FARSB: variants seen among roughly 807,000 people sequenced by gnomAD.
The protein encoded by FARSB is phenylalanyl-tRNA synthetase subunit beta.
FARSB carries 40 observed loss-of-function variants against 69.6 expected under a neutral mutation model. The observed-to-expected ratio is 0.57, with a 90% CI of 0.45 to 0.75. The LOEUF is 0.75. FARSB is among the 30% of genes least tolerant of loss of function. The probability of loss-of-function intolerance (pLI) is 0.00; values close to 1 mark genes in which losing one functional copy is unlikely to be tolerated. For synonymous variants in FARSB, 235 were observed against 247.2 expected (o/e 0.95, Z 0.46); for missense variants, 632 against 722.9 (o/e 0.87, Z 1.44).
intron 14 of FARSB, among the ~76,000 whole-genome samples, chr2:222,615,328 T>A (rs1223167152): frequency 6.6e-6 from 1 of 152,236 alleles, no homozygotes; most frequent in Non-Finnish European, 1.5e-5. Context: ...TGCCAACCTG[T>A]GGCCTATTCT....
rs973418046 is a variant in FARSB, at chr2:222,569,720, T to C, written c.*2151A>G. 6 of 152,232 alleles carry C rather than the reference T, an allele frequency of 3.9e-5. No individual in the cohort carries two copies. The highest frequency in any genetic ancestry group is 1.4e-4 in the African/African-American group (6 of 41,478). The allele number at this position is 152,232 out of a possible 1,614,324, so 9.4% of individuals were successfully genotyped here. The stretch of plus-strand genomic sequence containing the variant: ...AGACTCTCAGGTAAATAGAATTAAA[T>C]AGAGTCTTTTGTGTCTCTTGCTTTC... On this transcript the variant is annotated 3_prime_UTR_variant, in exon 17 of 17. Transcript: ENST00000281828.
At chr2:222,631,059 T>C (rs981731110) in intron 8 of FARSB, among the ~76,000 whole-genome samples, 3 of 152,150 alleles carry the variant, frequency 2.0e-5, no homozygotes, top group Admixed American at 2.0e-4. Context: ...AAAGCTTTCA[T>C]AGCAATCCAT....
chr2:222,606,197 T>C (rs1011938924), intron 15 of FARSB, among the ~76,000 whole-genome samples: 3 of 152,170 alleles, frequency 2.0e-5, no homozygotes, highest in African/African-American at 7.2e-5. Flanking sequence ...CTCTCCGGAC[T>C]TACTTCCTTA....
At chr2:222,588,407 C>T (rs537777172) in intron 16 of FARSB, among the ~76,000 whole-genome samples, 9 of 152,294 alleles carry the variant, frequency 5.9e-5, no homozygotes, top group Admixed American at 2.0e-4. Flanking sequence ...CAATATCATA[C>T]TGAATAGGCA....
chr2:222,612,757 G>A (rs1347500360), intron 15 of FARSB, among the ~76,000 whole-genome samples: 2 of 152,184 alleles, frequency 1.3e-5, no homozygotes, highest in East Asian at 1.9e-4. Flanking sequence ...CGAACAGTCA[G>A]ATTTGTATCA....
At chr2:222,588,733 C>T (rs1306024792) in intron 16 of FARSB, among the ~76,000 whole-genome samples, 1 of 152,068 alleles carries the variant, frequency 6.6e-6, no homozygotes, top group Non-Finnish European at 1.5e-5. Flanking sequence ...AACGGAGAGC[C>T]AGATCGTGAG....
At chr2:222,646,404 G>C (rs927643930) in intron 2 of FARSB, among the ~76,000 whole-genome samples, 20 of 152,174 alleles carry the variant, frequency 1.3e-4, no homozygotes, top group African/African-American at 4.8e-4. Flanking sequence ...GAGACTATAA[G>C]TTTACGATGT....
chr2:222,646,977 C>T (rs774630609), intron 2 of FARSB, among the ~76,000 whole-genome samples: 9 of 152,214 alleles, frequency 5.9e-5, no homozygotes, highest in Non-Finnish European at 1.3e-4. Flanking sequence ...GCACCTTGGA[C>T]ATAAAAGCTC....
intron 15 of FARSB, among the ~76,000 whole-genome samples, chr2:222,602,232 GA>G (rs1220349898): frequency 6.6e-6 from 1 of 152,006 alleles, no homozygotes; most frequent in Non-Finnish European, 1.5e-5. Context: ...TTAGGTATGG[GA>G]AAAAAATGCA....
At chr2:222,650,955 T>C (rs202015565) in intron 1 of FARSB, among the ~76,000 whole-genome samples, 2 of 152,350 alleles carry the variant, frequency 1.3e-5, no homozygotes, top group East Asian at 3.9e-4. Context: ...GAATAATTTG[T>C]TACATAGCAA....
intron 4 of FARSB, among the ~76,000 whole-genome samples, chr2:222,640,033 G>A (rs929218748): frequency 2.6e-5 from 4 of 152,100 alleles, no homozygotes; most frequent in Non-Finnish European, 4.4e-5. Flanking sequence ...TATCTCAAAT[G>A]TGTTTTAAAC....
At chr2:222,600,170 A>G in intron 15 of FARSB, 87 bp from the exon 16 acceptor site, 1 of 1,116,230 alleles carries the variant, frequency 9.0e-7, no homozygotes, top group Non-Finnish European at 1.3e-6. Context: ...AGAAAAAGTC[A>G]ACAAAAAAGA....
intron 3 of FARSB, among the ~76,000 whole-genome samples, chr2:222,642,185 G>C (rs1052713155): frequency 6.6e-6 from 1 of 152,118 alleles, no homozygotes; most frequent in African/African-American, 2.4e-5. Flanking sequence ...ATTTTTAGTA[G>C]AGACGGGGTT....
intron 4 of FARSB, among the ~76,000 whole-genome samples, chr2:222,640,584 C>T (rs1467995598): frequency 6.6e-6 from 1 of 151,440 alleles, no homozygotes; most frequent in African/African-American, 2.4e-5. Context: ...TGGTGAAACC[C>T]CATTTCTAAA....
At chr2:222,628,657 T>A (rs962702916) in intron 10 of FARSB, among the ~76,000 whole-genome samples, 180 bp downstream of exon 10, 2 of 152,140 alleles carry the variant, frequency 1.3e-5, no homozygotes, top group Admixed American at 6.6e-5. Flanking sequence ...AAAAGCTTAA[T>A]AAGAGCACCT....
rs1293387149 is a variant in FARSB at position 222,569,032 on chromosome 2, GC to G, written c.*2838del. ...AGGCTTTTGGCAGTACTCACAGACT[GC>G]CCTGGCTCCAGTTCAAATGCTTCAC... On this transcript the variant is annotated 3_prime_UTR_variant, in exon 17 of 17. Transcript: ENST00000281828. The G allele has an allele frequency of 6.6e-6, 1 of 152,202 alleles. No homozygotes were observed. The highest frequency in any genetic ancestry group is 1.5e-5 in the Non-Finnish European group (1 of 68,038). The allele number at this position is 152,202 out of a possible 1,614,324, so 9.4% of individuals were successfully genotyped here.
rs370677776 is a variant in FARSB, at chr2:222,580,146, A to C, written c.1619-8124T>G. 1.8e-4 allele frequency among the ~76,000 whole-genome samples: 27 copies of C among 151,806 alleles called. No homozygotes were observed. In the East Asian group the frequency reaches 2.3e-3, roughly 13 times the overall value. ...ATTATACATAATAAATATTATATAT[A>C]ATGAATTAATGTCTATTCCATCTTG... On this transcript the variant is annotated intron_variant, in intron 16 of 16. Transcript: ENST00000281828.
intron 10 of FARSB, among the ~76,000 whole-genome samples, chr2:222,627,042 G>A (rs1213954866): frequency 2.0e-5 from 3 of 151,650 alleles, no homozygotes; most frequent in Non-Finnish European, 2.9e-5. Context: ...TCTCAAAAAA[G>A]AAAAAAGAAG....
intron 15 of FARSB, 131 bp from the exon 16 acceptor site, chr2:222,600,214 A>C: frequency 1.5e-6 from 1 of 677,322 alleles, no homozygotes; most frequent in South Asian, 2.1e-5. Context: ...GAAGGATTCA[A>C]CCTCACAAAT....
Sources: gnomAD v4.1 joint callset for allele counts (sites outside exome capture counted in the v4.1 genomes callset) on GRCh38, gnomAD v4.1.1 for gene constraint, MANE v1.5 for transcripts, NCBI Gene and HGNC (gene_info 2026-07-23, HGNC 2026-07-21) for gene names.